GMCL1: variants seen among roughly 807,000 people sequenced by gnomAD.
The protein encoded by GMCL1 is germ cell-less protein-like 1.
Under a neutral mutation model 75.5 loss-of-function variants are expected in GMCL1, and 54 were observed. That is an observed-to-expected ratio of 0.71 (90% confidence interval 0.57 to 0.90). The LOEUF is 0.90. Among genes scored for constraint, GMCL1 ranks in the 40% least tolerant of loss-of-function variants. GMCL1 has a pLI of 0.00. For missense variants in GMCL1, 537 were observed against 622.7 expected, an observed-to-expected ratio of 0.86 and a Z score of 1.47; for synonymous variants, 210 against 209.6, an observed-to-expected ratio of 1.00 and a Z score of -0.02.
intron 8 of GMCL1, among the ~76,000 whole-genome samples, chr2:69,851,599 ACT>A (rs1277959942): frequency 6.6e-6 from 1 of 150,722 alleles, no homozygotes; most frequent in Non-Finnish European, 1.5e-5. Context: ...AACGAGCAAA[ACT>A]CTGTCTCAAA....
At chr2:69,840,301 T>C (rs2103955992) in intron 3 of GMCL1, 1 of 151,970 alleles carries the variant, frequency 6.6e-6, no homozygotes, top group South Asian at 2.1e-4. Flanking sequence ...TCCCAGCTAT[T>C]TGGGAGGCTG....
chr2:69,838,828 C>T (rs1042322301), intron 2 of GMCL1, among the ~76,000 whole-genome samples: 1 of 152,144 alleles, frequency 6.6e-6, no homozygotes, highest in Admixed American at 6.5e-5. Context: ...AAAATATAAG[C>T]CCCCTGAGGA....
intron 11 of GMCL1, among the ~76,000 whole-genome samples, chr2:69,867,517 A>G (rs1405071222): frequency 6.6e-6 from 1 of 152,180 alleles, no homozygotes; most frequent in Non-Finnish European, 1.5e-5. Flanking sequence ...TTCTGGATAT[A>G]CAATACATTG....
intron 1 of GMCL1, among the ~76,000 whole-genome samples, chr2:69,837,044 TTAAGAA>T (rs2103948904): frequency 6.6e-6 from 1 of 152,326 alleles, no homozygotes; most frequent in African/African-American, 2.4e-5. Flanking sequence ...TTTAAGTAGT[TTAAGAA>T]TAGGTTGGTA....
chr2:69,835,795 C>CT (rs1463176198), intron 1 of GMCL1, among the ~76,000 whole-genome samples: 8 of 152,178 alleles, frequency 5.3e-5, no homozygotes, highest in African/African-American at 1.9e-4. Context: ...ACATGCCTCT[C>CT]TGAGTTGGCT....
At chr2:69,853,594 G>GTA (rs1267108157) in intron 8 of GMCL1, among the ~76,000 whole-genome samples, 1 of 152,088 alleles carries the variant, frequency 6.6e-6, no homozygotes, top group African/African-American at 2.4e-5. Flanking sequence ...ACAGGACTGG[G>GTA]TATACATACT....
At chr2:69,846,776 T>C (rs1236391688) in intron 6 of GMCL1, among the ~76,000 whole-genome samples, 1 of 152,176 alleles carries the variant, frequency 6.6e-6, no homozygotes, top group Admixed American at 6.5e-5. Flanking sequence ...TAAGCAATTC[T>C]CTTAAGCCTA....
chr2:69,873,947 T>C, intron 13 of GMCL1: 1 of 72,250 alleles, frequency 1.4e-5, no homozygotes. Context: ...AATTGTAACC[T>C]TTTTTTTTTT....
At chr2:69,839,069 TC>T (rs1674904393) in intron 2 of GMCL1, among the ~76,000 whole-genome samples, 1 of 152,240 alleles carries the variant, frequency 6.6e-6, no homozygotes, top group Non-Finnish European at 1.5e-5. Flanking sequence ...TTCCCTGGTT[TC>T]TTTGGCGATC....
chr2:69,856,874 A>G (rs915858877), intron 9 of GMCL1, among the ~76,000 whole-genome samples: 4 of 151,880 alleles, frequency 2.6e-5, no homozygotes, highest in African/African-American at 4.8e-5. Context: ...TTTACTGTCT[A>G]TTTCTCCCCC....
chr2:69,864,097 C>T (rs1675735888), intron 10 of GMCL1, among the ~76,000 whole-genome samples: 1 of 151,992 alleles, frequency 6.6e-6, no homozygotes, highest in Non-Finnish European at 1.5e-5. Flanking sequence ...TTATAATTAA[C>T]TGTAGTATAA....
chr2:69,845,178 C>T (rs976100074), intron 6 of GMCL1, among the ~76,000 whole-genome samples: 1 of 152,240 alleles, frequency 6.6e-6, no homozygotes, highest in Admixed American at 6.5e-5. Context: ...CAGGCTGGGG[C>T]TGCAGAGGCT....
Position 69,854,727 on chromosome 2 carries a change from T to C in GMCL1, c.935-96T>C, listed in dbSNP as rs553060717. 100 of 935,784 alleles carry C rather than the reference T, an allele frequency of 1.1e-4. 2 individuals carry two copies. In the South Asian group the frequency reaches 1.7e-3, roughly 15 times the overall value. The allele number at this position is 935,784 out of a possible 1,614,324, so 58.0% of individuals were successfully genotyped here. On this transcript the variant is annotated intron_variant, in intron 8 of 13. Transcript: ENST00000282570. ...TTTAAAACTAGCTTATTTTGTATTC[T>C]AATAGACATGAATGTACGTATCCCC...
intron 1 of GMCL1, among the ~76,000 whole-genome samples, chr2:69,833,678 C>CCCTAGTATATACTT (rs375138258): frequency 4.6e-5 from 7 of 152,286 alleles, no homozygotes; most frequent in African/African-American, 1.7e-4. Context: ...TGTGTGTTGG[C>CCCTAGTATATACTT]CCTAGTATAT....
chr2:69,865,806 G>C (rs1311012972), intron 11 of GMCL1, among the ~76,000 whole-genome samples: 1 of 152,052 alleles, frequency 6.6e-6, no homozygotes. Flanking sequence ...CTCTCCCTCT[G>C]TCACCCAACC....
intron 1 of GMCL1, among the ~76,000 whole-genome samples, chr2:69,834,217 A>G (rs1377406391): frequency 6.6e-6 from 1 of 152,204 alleles, no homozygotes; most frequent in Admixed American, 6.5e-5. Context: ...CTGAAAAAAC[A>G]CAGAAAAGTC....
intron 6 of GMCL1, among the ~76,000 whole-genome samples, chr2:69,845,457 A>G (rs890646624): frequency 7.2e-5 from 11 of 152,106 alleles, no homozygotes; most frequent in African/African-American, 2.7e-4. Context: ...TTCTTTTTTA[A>G]AGAGATGGGG....
At chr2:69,843,101 T>C in intron 4 of GMCL1, 48 bp from the exon 5 acceptor site, 1 of 985,742 alleles carries the variant, frequency 1.0e-6, no homozygotes. Context: ...TCAGAGCTAA[T>C]TTTTCCCACG....
At chr2:69,867,651 C>A (rs1271030686) in intron 11 of GMCL1, among the ~76,000 whole-genome samples, 6 of 152,044 alleles carry the variant, frequency 3.9e-5, no homozygotes, top group African/African-American at 1.4e-4. Context: ...TTTCTTTTTC[C>A]TCATTGACAT....
Sources: allele counts gnomAD v4.1 joint callset (sites outside exome capture counted in the v4.1 genomes callset), GRCh38; gene constraint gnomAD v4.1.1; transcripts MANE v1.5; gene names NCBI Gene and HGNC (gene_info 2026-07-23, HGNC 2026-07-21).